Variants in SLC11A2 observed in about 807,000 individuals in gnomAD.
SLC11A2 encodes natural resistance-associated macrophage protein 2.
In SLC11A2, 38 loss-of-function variants were observed where a neutral mutation model predicts 68.0. That is an observed-to-expected ratio of 0.56 (90% CI 0.43 to 0.73). The LOEUF (loss-of-function observed/expected upper bound fraction) is 0.73, where lower values mean the gene tolerates loss of function less well. SLC11A2 is among the 30% of genes least tolerant of loss of function. SLC11A2 has a pLI of 0.00. For missense variants in SLC11A2, 517 were observed against 690.5 expected, an observed-to-expected ratio of 0.75 and a Z score of 2.82; for synonymous variants, 242 against 250.6, an observed-to-expected ratio of 0.97 and a Z score of 0.32.
intron 8 of SLC11A2, 129 bp downstream of exon 8, chr12:50,999,045 G>A: frequency 1.3e-6 from 1 of 778,560 alleles, no homozygotes; most frequent in South Asian, 1.6e-5. Context: ...GGAAAAATTG[G>A]CTTTTTGTTG....
chr12:50,969,381 A>G, the SLC11A2 span, among the ~76,000 whole-genome samples: 3 of 151,992 alleles, frequency 2.0e-5, no homozygotes, highest in Non-Finnish European at 4.4e-5. Context: ...AAGTTTGGAG[A>G]CCACCTACCT....
upstream of SLC11A2, among the ~76,000 whole-genome samples, chr12:51,026,574 T>C (rs1297962431): frequency 6.6e-6 from 1 of 151,662 alleles, no homozygotes; most frequent in South Asian, 2.1e-4. Flanking sequence ...GGGAGCTGCA[T>C]GCTGCCTAGT....
At chr12:51,025,277 C>G (rs1216522651) in intron 1 of SLC11A2, among the ~76,000 whole-genome samples, 1 of 152,130 alleles carries the variant, frequency 6.6e-6, no homozygotes, top group African/African-American at 2.4e-5. Flanking sequence ...GTAACAACAA[C>G]AAAAACTCCT....
At chr12:51,001,536 C>T (rs924215581) in intron 5 of SLC11A2, among the ~76,000 whole-genome samples, 19 of 146,332 alleles carry the variant, frequency 1.3e-4, no homozygotes, top group Non-Finnish European at 2.1e-4. Context: ...GCTCTGCCTA[C>T]GGAATAGCCT....
the SLC11A2 span, among the ~76,000 whole-genome samples, chr12:50,958,170 A>C: frequency 6.6e-6 from 1 of 152,058 alleles, no homozygotes; most frequent in African/African-American, 2.4e-5. Flanking sequence ...AAGTTTATCT[A>C]CAGGCTTAAT....
chr12:50,991,636 T>G lies in SLC11A2; in HGVS notation c.1384A>C (p.Ser462Arg). 6.2e-7 allele frequency: 1 copy of G among 1,613,764 alleles called. No individual in the cohort carries two copies. The highest frequency in any genetic ancestry group is 8.5e-7 in the Non-Finnish European group (1 of 1,179,918). Residue 462 changes from serine (S) to arginine (R), a missense_variant, in exon 14 of 16, where the codon AGC (serine) becomes CGC (arginine). By Grantham distance (110) the Ser-to-Arg change is moderately radical (BLOSUM62 -1). Coordinates refer to ENST00000262052, the MANE Select transcript of SLC11A2 (RefSeq NM_000617.3). Reference protein sequence around the residue: ...FALIPILTFTSLRPVMSDFAN... With the variant: ...FALIPILTFTRLRPVMSDFAN... Reference sequence around the variant, plus strand: ...AAGTCACTCATTACTGGCCGCAAGCTCGTAAATGTGAGGATGGGTATGAGA... The same window carrying G: ...AAGTCACTCATTACTGGCCGCAAGCGCGTAAATGTGAGGATGGGTATGAGA...
At chr12:50,983,791 T>G (rs1940284198), downstream of SLC11A2, among the ~76,000 whole-genome samples, 1 of 151,986 alleles carries the variant, frequency 6.6e-6, no homozygotes, top group East Asian at 1.9e-4. Context: ...GCCAACATGG[T>G]GAATCCCCAT....
At chr12:50,994,651 A>G (rs776286939) in intron 10 of SLC11A2, 21 bp from the exon 11 acceptor site, 7 of 1,501,096 alleles carry the variant, frequency 4.7e-6, no homozygotes, top group Non-Finnish European at 6.5e-6. Flanking sequence ...AAGCAATTCA[A>G]CAGCAACTTT....
intron 10 of SLC11A2, chr12:50,994,904 G>A (rs372332493): frequency 1.8e-5 from 8 of 433,482 alleles, no homozygotes; most frequent in Non-Finnish European, 3.0e-5. Context: ...GATGACAAGA[G>A]GAGAGGCTCT....
chr12:50,992,967 T>C, intron 11 of SLC11A2, 38 bp from the exon 12 acceptor site: 4 of 1,613,044 alleles, frequency 2.5e-6, no homozygotes, highest in Non-Finnish European at 2.5e-6. Flanking sequence ...ATTGTGGCAA[T>C]AATCTGCTCA....
intron 3 of SLC11A2, among the ~76,000 whole-genome samples, chr12:51,007,545 A>T (rs1427907039): frequency 1.3e-5 from 2 of 151,666 alleles, no homozygotes; most frequent in African/African-American, 4.8e-5. Flanking sequence ...ATGTTAACCA[A>T]GCTGGTCTTG....
In SLC11A2 at chr12:51,002,049, A is replaced by G. The variant is rs12321633; in HGVS notation, c.430-1630T>C. Among the ~76,000 whole-genome samples the G allele has an allele frequency of 3.7e-3, 558 of 152,284 alleles. 6 individuals are homozygous for G. Among genetic ancestry groups the G allele is most frequent in the African/African-American group, 0.013 (530 of 41,552 alleles). ...AAAAAAACACCTCCAGATAGCTAGCATCCAAAAAATTTGTCAGGTCACCCA... is the reference window on the plus strand; with the variant it reads ...AAAAAAACACCTCCAGATAGCTAGCGTCCAAAAAATTTGTCAGGTCACCCA... On this transcript the variant is annotated intron_variant, in intron 5 of 15. Transcript: ENST00000262052.
At chr12:51,005,485 CTGATA>C (rs1440329230) in intron 3 of SLC11A2, 49 bp from the exon 4 acceptor site, 1 of 1,609,050 alleles carries the variant, frequency 6.2e-7, no homozygotes, top group Non-Finnish European at 8.5e-7. Context: ...CATTGAACTA[CTGATA>C]TAATTGGTCT....
chr12:50,978,266 G>A (rs1939877351), downstream of SLC11A2, among the ~76,000 whole-genome samples: 2 of 151,420 alleles, frequency 1.3e-5, no homozygotes, highest in South Asian at 4.2e-4. Context: ...TGATAGACTG[G>A]ATTAAGAAAA....
the SLC11A2 span, among the ~76,000 whole-genome samples, chr12:50,953,372 C>A: frequency 6.6e-6 from 1 of 152,186 alleles, no homozygotes; most frequent in Non-Finnish European, 1.5e-5. Context: ...CAGACTCAGG[C>A]GCTGCTAAAT....
rs564916605 is a variant in SLC11A2, at chr12:50,993,594, G to T, written c.1078-665C>A. Among the ~76,000 whole-genome samples, 343 of 130,988 alleles carry T rather than the reference G, an allele frequency of 2.6e-3. 1 individual carries two copies. Among genetic ancestry groups the T allele is most frequent in the African/African-American group, 9.1e-3 (329 of 36,138 alleles). 85.9% of individuals were successfully genotyped at this position (130,988 alleles called of 152,430 possible). On this transcript the variant is annotated intron_variant, in intron 11 of 15. Transcript: ENST00000262052. Reference sequence around the variant, plus strand: ...TAATCCCAGCACTTTGGGAGGCCGAGGGGGGGGTGGATCACCTGAGGTCAG... The same window carrying T: ...TAATCCCAGCACTTTGGGAGGCCGATGGGGGGGTGGATCACCTGAGGTCAG...
intron 1 of SLC11A2, chr12:51,025,718 T>C: frequency 1.0e-6 from 1 of 982,064 alleles, no homozygotes. Flanking sequence ...CATTGGAGCC[T>C]GGAATCCAGA....
chr12:50,993,025 C>T, intron 11 of SLC11A2, 96 bp from the exon 12 acceptor site: 1 of 1,423,660 alleles, frequency 7.0e-7, no homozygotes, highest in Admixed American at 1.8e-5. Flanking sequence ...CCCTTCTTTG[C>T]TATGCACCAC....
At chr12:50,964,256 A>ATTATATTATATCTATATTATATAATATAT in the SLC11A2 span, among the ~76,000 whole-genome samples, 2 of 152,236 alleles carry the variant, frequency 1.3e-5, no homozygotes, top group Non-Finnish European at 2.9e-5. Flanking sequence ...TATTGCTAGT[A>ATTATATTATATCTATATTATATAATATAT]TTATATCTAT....
Sources: gnomAD v4.1 joint callset for allele counts (sites outside exome capture counted in the v4.1 genomes callset) on GRCh38, gnomAD v4.1.1 for gene constraint, MANE v1.5 for transcripts, NCBI Gene and HGNC (gene_info 2026-07-23, HGNC 2026-07-21) for gene names.